Variants in EXOC6B observed in about 807,000 individuals in gnomAD.
EXOC6B encodes SEC15 homolog B.
Under a neutral mutation model 113.5 loss-of-function variants are expected in EXOC6B, and 54 were observed. The ratio of observed to expected loss-of-function variants is 0.48; its 90% CI spans 0.38 to 0.60. The LOEUF is 0.60. Ranked by LOEUF, EXOC6B falls within the 20% of genes least tolerant of loss-of-function variation. EXOC6B has a pLI of 0.00. For synonymous variants in EXOC6B, 357 were observed against 339.0 expected (o/e 1.05, Z -0.58); for missense variants, 797 against 977.5 (o/e 0.82, Z 2.46).
intron 6 of EXOC6B, among the ~76,000 whole-genome samples, chr2:72,585,831 C>T (rs966734806): frequency 1.7e-4 from 26 of 152,184 alleles, no homozygotes; most frequent in South Asian, 1.2e-3. Context: ...AAAAAAAGCC[C>T]TGGACTAGAT....
At chr2:72,269,935 A>G (rs1684379897) in intron 20 of EXOC6B, among the ~76,000 whole-genome samples, 1 of 152,132 alleles carries the variant, frequency 6.6e-6, no homozygotes, top group Non-Finnish European at 1.5e-5. Context: ...TTAATTCATC[A>G]TATATGAAGA....
chr2:72,205,284 C>T (rs1004396341), intron 20 of EXOC6B, among the ~76,000 whole-genome samples: 3 of 152,004 alleles, frequency 2.0e-5, no homozygotes, highest in African/African-American at 7.3e-5. Context: ...AAAGGAAACA[C>T]CCTGTAGCTG....
At chr2:72,624,233 A>G (rs1229991626) in intron 6 of EXOC6B, among the ~76,000 whole-genome samples, 1 of 151,970 alleles carries the variant, frequency 6.6e-6, no homozygotes, top group African/African-American at 2.4e-5. Flanking sequence ...CCGCCCATCA[A>G]CTAGCATGCA....
Position 72,776,395 on chromosome 2 carries a change from C to T in EXOC6B, c.114-34926G>A, listed in dbSNP as rs569166328. On this transcript the variant is annotated intron_variant, in intron 1 of 21. Transcript: ENST00000272427. ...ACTTTGGGAGGCCAAGACGGGCATACTGTTTTAGCTCAGGAATTCGAGACT... is the reference window on the plus strand; with the variant it reads ...ACTTTGGGAGGCCAAGACGGGCATATTGTTTTAGCTCAGGAATTCGAGACT... Among the ~76,000 whole-genome samples, 7 of 152,174 alleles carry T rather than the reference C, an allele frequency of 4.6e-5. 1 individual carries two copies. The South Asian group carries it at 1.5e-3, about 32-fold the overall frequency.
At chr2:72,413,356 G>A (rs1442969008) in intron 18 of EXOC6B, among the ~76,000 whole-genome samples, 1 of 151,844 alleles carries the variant, frequency 6.6e-6, no homozygotes, top group African/African-American at 2.4e-5. Context: ...GACTCAGAAA[G>A]TCTGGTATAG....
intron 18 of EXOC6B, among the ~76,000 whole-genome samples, chr2:72,460,462 A>G (rs569274473): frequency 4.6e-5 from 7 of 152,116 alleles, no homozygotes; most frequent in South Asian, 4.1e-4. Flanking sequence ...TACTCATCTG[A>G]CAAAGGGCTA....
intron 18 of EXOC6B, among the ~76,000 whole-genome samples, chr2:72,419,493 G>A (rs996742455): frequency 6.6e-6 from 1 of 152,106 alleles, no homozygotes; most frequent in African/African-American, 2.4e-5. Context: ...AAATTTAGTG[G>A]TAATTAAGTC....
intron 6 of EXOC6B, among the ~76,000 whole-genome samples, chr2:72,644,999 G>C (rs1378143806): frequency 5.1e-4 from 78 of 152,098 alleles, no homozygotes; most frequent in Admixed American, 5.0e-3. Flanking sequence ...CTGGCAAATT[G>C]GATAGAGTCA....
chr2:72,762,176 A>G (rs1682777569), intron 1 of EXOC6B, among the ~76,000 whole-genome samples: 1 of 151,434 alleles, frequency 6.6e-6, no homozygotes, highest in Non-Finnish European at 1.5e-5. Context: ...CTGGGGAAGC[A>G]GAGGTTGCAG....
At chr2:72,517,419 A>G (rs967937011) in intron 8 of EXOC6B, among the ~76,000 whole-genome samples, 1 of 152,184 alleles carries the variant, frequency 6.6e-6, no homozygotes, top group African/African-American at 2.4e-5. Context: ...TTAAAGTTCT[A>G]AAGTGATTAT....
At chr2:72,654,168 C>T (rs1186760755) in intron 6 of EXOC6B, among the ~76,000 whole-genome samples, 6 of 152,122 alleles carry the variant, frequency 3.9e-5, no homozygotes, top group Non-Finnish European at 8.8e-5. Flanking sequence ...GACGGGGTTT[C>T]ACCGTGTTAG....
rs549722110 is a variant in EXOC6B, at chr2:72,822,952, G to A, written c.113+2846C>T. On this transcript the variant is annotated intron_variant, in intron 1 of 21. Coordinates refer to ENST00000272427, the MANE Select transcript of EXOC6B (RefSeq NM_015189.3). ...TAATGACAATAGAGGCACATCCCAA[G>A]TAAGGCATGGGATCTGAAACATCAA... 2.5e-4 allele frequency among the ~76,000 whole-genome samples: 38 copies of A among 152,168 alleles called. No individual in the cohort carries two copies. The South Asian group carries it at 7.9e-3, about 32-fold the overall frequency.
At chr2:72,626,504 C>A (rs1005585967) in intron 6 of EXOC6B, among the ~76,000 whole-genome samples, 10 of 152,128 alleles carry the variant, frequency 6.6e-5, no homozygotes, top group Non-Finnish European at 1.2e-4. Flanking sequence ...GCTATGAATT[C>A]TCTTATTTAG....
At chr2:72,540,780 T>C (rs541004426) in intron 8 of EXOC6B, among the ~76,000 whole-genome samples, 107 of 152,298 alleles carry the variant, frequency 7.0e-4, no homozygotes, top group African/African-American at 2.1e-3. Context: ...TTAATTAACA[T>C]AGTATGTCTG....
chr2:72,320,658 T>C (rs1407943148), intron 20 of EXOC6B, among the ~76,000 whole-genome samples: 1 of 152,168 alleles, frequency 6.6e-6, no homozygotes, highest in Admixed American at 6.5e-5. Flanking sequence ...CTTTGTGACC[T>C]TGGATTAGGC....
chr2:72,455,954 T>C (rs1299810915), intron 18 of EXOC6B, among the ~76,000 whole-genome samples: 2 of 151,878 alleles, frequency 1.3e-5, no homozygotes, highest in African/African-American at 2.4e-5. Context: ...GAAAAGAACA[T>C]GACACAAGGA....
chr2:72,821,623 T>C (rs10170993), intron 1 of EXOC6B, among the ~76,000 whole-genome samples: 2,134 of 152,214 alleles, frequency 0.014, 49 homozygotes, highest in African/African-American at 0.049. Context: ...CAATGGAATA[T>C]TATTCATCGA....
At chr2:72,815,694 C>T (rs1385073593) in intron 1 of EXOC6B, among the ~76,000 whole-genome samples, 1 of 152,074 alleles carries the variant, frequency 6.6e-6, no homozygotes, top group Admixed American at 6.5e-5. Flanking sequence ...GAAAAAGCTA[C>T]GGAGAACTTT....
intron 20 of EXOC6B, among the ~76,000 whole-genome samples, chr2:72,208,892 G>C (rs1330963797): frequency 6.6e-6 from 1 of 152,100 alleles, no homozygotes; most frequent in African/African-American, 2.4e-5. Context: ...CATAGGCAAG[G>C]AGTTACAGAT....
Sources: gnomAD v4.1 joint callset for allele counts (sites outside exome capture counted in the v4.1 genomes callset) on GRCh38, gnomAD v4.1.1 for gene constraint, MANE v1.5 for transcripts, NCBI Gene and HGNC (gene_info 2026-07-23, HGNC 2026-07-21) for gene names.